Variants in CA8 observed in about 807,000 individuals in gnomAD.
CA8 encodes the protein carbonic anhydrase 8 (inactive), also known as carbonic anhydrase-related protein.
Under a neutral mutation model 41.4 loss-of-function variants are expected in CA8, and 22 were observed. That is an observed-to-expected ratio of 0.53 (90% CI 0.38 to 0.76). The LOEUF is 0.76. CA8 is among the 30% of genes least tolerant of loss of function. The pLI is 0.00. For missense variants in CA8, 270 were observed against 352.8 expected (o/e 0.77, Z 1.88); for synonymous variants, 121 against 130.6 (o/e 0.93, Z 0.50).
chr8:60,280,287 C>T (rs1804368297), intron 1 of CA8, among the ~76,000 whole-genome samples: 1 of 152,214 alleles, frequency 6.6e-6, no homozygotes, highest in South Asian at 2.1e-4. Context: ...CCCTAACTCT[C>T]ATGCTAGTAA....
At chr8:60,225,473 A>G (rs1386340952) in intron 5 of CA8, among the ~76,000 whole-genome samples, 1 of 152,124 alleles carries the variant, frequency 6.6e-6, no homozygotes, top group Non-Finnish European at 1.5e-5. Flanking sequence ...TTCTCAGTCC[A>G]CTGCAGTTGT....
At chr8:60,203,244 G>A (rs928037830) in intron 8 of CA8, among the ~76,000 whole-genome samples, 1 of 152,038 alleles carries the variant, frequency 6.6e-6, no homozygotes, top group Admixed American at 6.6e-5. Flanking sequence ...AAAACAAATT[G>A]TCAAGGTGCT....
chr8:60,220,989 T>C (rs1018736885), intron 7 of CA8, among the ~76,000 whole-genome samples: 1 of 152,182 alleles, frequency 6.6e-6, no homozygotes, highest in Non-Finnish European at 1.5e-5. Context: ...AGAAAAGCCT[T>C]CACTGCGAAT....
intron 3 of CA8, among the ~76,000 whole-genome samples, chr8:60,239,909 G>A (rs1409074888): frequency 6.6e-6 from 1 of 152,156 alleles, no homozygotes; most frequent in Admixed American, 6.5e-5. Flanking sequence ...CACTATGATT[G>A]TGAGGCCTCC....
intron 8 of CA8, among the ~76,000 whole-genome samples, chr8:60,198,565 TTTC>T (rs1423808628): frequency 6.6e-6 from 1 of 152,194 alleles, no homozygotes; most frequent in Non-Finnish European, 1.5e-5. Context: ...GAGTCACATT[TTTC>T]TTCCTTCTTC....
chr8:60,213,782 C>A (rs1806922272), intron 7 of CA8, among the ~76,000 whole-genome samples: 1 of 149,286 alleles, frequency 6.7e-6, no homozygotes. Context: ...TTTTTTTTTA[C>A]CATGGCTACT....
Position 60,265,973 on chromosome 8 carries a change from G to A in CA8, c.369C>T (p.Asn123=). The A allele has an allele frequency of 6.2e-7, 1 of 1,614,002 alleles. No homozygotes were observed. Among genetic ancestry groups the A allele is most frequent in the Non-Finnish European group, 8.5e-7 (1 of 1,179,894 alleles). ...TAACCGTGTGCTCAGAACCACGCTGGTTTTCTCTTCCCCAGTGAAATCTCA... is the reference window on the plus strand; with the variant it reads ...TAACCGTGTGCTCAGAACCACGCTGATTTTCTCTTCCCCAGTGAAATCTCA... The part of the protein sequence containing the change: ...YEVRFHWGRE[N]QRGSEHTVNF... The change falls in exon 3 of 9, where the codon AAC becomes AAT. Residue 123 remains asparagine (N), a synonymous_variant. Coordinates refer to ENST00000317995, the MANE Select transcript of CA8 (RefSeq NM_004056.6).
chr8:60,255,311 CTA>C lies in CA8; in HGVS notation c.417+10612_417+10613del, dbSNP rs1808594209. 4.1e-5 allele frequency among the ~76,000 whole-genome samples: 6 copies of C among 147,214 alleles called. No homozygotes were observed. The South Asian group carries it at 1.1e-3, about 28-fold the overall frequency. On this transcript the variant is annotated intron_variant, in intron 3 of 8. Coordinates refer to ENST00000317995, the MANE Select transcript of CA8 (RefSeq NM_004056.6). ...ACAGACACTCTTCTCTCGAATTAAGCTATGTCTCCAGTATCGTTCTGGCCACA... is the reference window on the plus strand; with the variant it reads ...ACAGACACTCTTCTCTCGAATTAAGCTGTCTCCAGTATCGTTCTGGCCACA...
chr8:60,255,069 T>C (rs554348969), intron 3 of CA8, among the ~76,000 whole-genome samples: 1 of 152,280 alleles, frequency 6.6e-6, no homozygotes, highest in African/African-American at 2.4e-5. Context: ...ATCTTACTAA[T>C]GGGACCGCTG....
At chr8:60,267,258 G>A (rs1184002236) in intron 2 of CA8, among the ~76,000 whole-genome samples, 1 of 152,204 alleles carries the variant, frequency 6.6e-6, no homozygotes, top group African/African-American at 2.4e-5. Flanking sequence ...CAAGAAAGAG[G>A]CAGAAAATAG....
At chr8:60,215,274 C>T (rs914252731) in intron 7 of CA8, among the ~76,000 whole-genome samples, 3 of 151,976 alleles carry the variant, frequency 2.0e-5, no homozygotes, top group South Asian at 2.1e-4. Flanking sequence ...AATGCTTAGA[C>T]GGTTGTTTAT....
At position 60,189,828 on chromosome 8, in the gene CA8, A is replaced by G. The variant is rs950557537; in HGVS notation, c.*193T>C. The G allele has an allele frequency of 6.6e-6, 1 of 152,520 alleles. No individual in the cohort carries two copies. Among genetic ancestry groups the G allele is most frequent in the African/African-American group, 2.4e-5 (1 of 41,434 alleles). 9.4% of individuals were successfully genotyped at this position (152,520 alleles called of 1,614,324 possible). A position where few individuals can be genotyped will look rare whatever the true frequency, so the allele number is the denominator to read the frequency against. On this transcript the variant is annotated 3_prime_UTR_variant, in exon 9 of 9. Coordinates refer to ENST00000317995, the MANE Select transcript of CA8 (RefSeq NM_004056.6). ...TCTTTGGAATATACAGCCATTTCTA[A>G]TATTTCATTTCAGCAAGTGTACAGG...
chr8:60,258,749 G>A (rs1404069933), intron 3 of CA8, among the ~76,000 whole-genome samples: 1 of 152,114 alleles, frequency 6.6e-6, no homozygotes, highest in Non-Finnish European at 1.5e-5. Context: ...TTCTCATCAG[G>A]AGTGTGCAAC....
intron 8 of CA8, among the ~76,000 whole-genome samples, chr8:60,200,608 A>G (rs756571130): frequency 2.0e-5 from 3 of 152,228 alleles, no homozygotes; most frequent in Non-Finnish European, 4.4e-5. Flanking sequence ...ACCTAGCTAC[A>G]TATCAGTAGA....
intron 3 of CA8, among the ~76,000 whole-genome samples, chr8:60,250,293 T>G (rs1808400143): frequency 6.6e-6 from 1 of 152,166 alleles, no homozygotes; most frequent in African/African-American, 2.4e-5. Flanking sequence ...CCTGGGCATT[T>G]CCACAGAATA....
chr8:60,268,725 G>C (rs1275302911), intron 2 of CA8, among the ~76,000 whole-genome samples: 1 of 152,188 alleles, frequency 6.6e-6, no homozygotes, highest in Non-Finnish European at 1.5e-5. Flanking sequence ...TGACAAAACA[G>C]ACAAAATTCC....
intron 3 of CA8, among the ~76,000 whole-genome samples, chr8:60,262,986 G>T (rs142479287): frequency 1.3e-5 from 2 of 152,266 alleles, no homozygotes; most frequent in Non-Finnish European, 2.9e-5. Flanking sequence ...TCTCTTTAGG[G>T]CTGTTGTTAT....
intron 3 of CA8, among the ~76,000 whole-genome samples, chr8:60,236,810 G>T (rs146248483): frequency 6.6e-6 from 1 of 152,076 alleles, no homozygotes; most frequent in African/African-American, 2.4e-5. Flanking sequence ...ATATATTATG[G>T]ATACACGCTC....
intron 2 of CA8, among the ~76,000 whole-genome samples, chr8:60,274,588 G>A (rs1015899294): frequency 2.6e-5 from 4 of 152,066 alleles, no homozygotes; most frequent in African/African-American, 9.7e-5. Flanking sequence ...ATCGGATGAG[G>A]GCTCTGCTCT....
Sources: allele counts gnomAD v4.1 joint callset (sites outside exome capture counted in the v4.1 genomes callset), GRCh38; gene constraint gnomAD v4.1.1; transcripts MANE v1.5; gene names NCBI Gene and HGNC (gene_info 2026-07-23, HGNC 2026-07-21).